ARHGAP18: variants seen among roughly 807,000 people sequenced by gnomAD.
ARHGAP18 encodes the protein rho GTPase-activating protein 18.
In ARHGAP18, 67 loss-of-function variants were observed where a neutral mutation model predicts 86.2. That is an observed-to-expected ratio of 0.78 (90% CI 0.64 to 0.95). The LOEUF is 0.95. ARHGAP18 is among the 40% of genes least tolerant of loss of function. ARHGAP18 has a pLI of 0.00. For missense variants in ARHGAP18, 691 were observed against 780.4 expected, an observed-to-expected ratio of 0.89 and a Z score of 1.37; for synonymous variants, 283 against 280.4, an observed-to-expected ratio of 1.01 and a Z score of -0.09.
At position 129,678,044 on chromosome 6, in the gene ARHGAP18, C is replaced by A. The variant is rs557181000; in HGVS notation, c.113+31980G>T. Among the ~76,000 whole-genome samples, 3 of 152,346 alleles carry A rather than the reference C, an allele frequency of 2.0e-5. No individual in the cohort carries two copies. In the South Asian group the frequency reaches 6.2e-4, roughly 32 times the overall value. On this transcript the variant is annotated intron_variant, in intron 1 of 14. Transcript: ENST00000368149. ...TATTTTCTTTATCAGCTCTGCCTTACATTTCTACCAAAGTAGAATTGTCCT... is the reference window on the plus strand; with the variant it reads ...TATTTTCTTTATCAGCTCTGCCTTAAATTTCTACCAAAGTAGAATTGTCCT...
At chr6:129,693,056 T>C (rs973983863) in intron 1 of ARHGAP18, among the ~76,000 whole-genome samples, 2 of 152,214 alleles carry the variant, frequency 1.3e-5, no homozygotes, top group African/African-American at 4.8e-5. Context: ...TTAATGTCCT[T>C]CTGTCCCCCT....
chr6:129,690,910 T>C (rs1006106283), intron 1 of ARHGAP18, among the ~76,000 whole-genome samples: 1 of 152,232 alleles, frequency 6.6e-6, no homozygotes, highest in Non-Finnish European at 1.5e-5. Context: ...ATTTCAATGC[T>C]ATCATTACTT....
chr6:129,617,619 C>A (rs1789122958), intron 6 of ARHGAP18, among the ~76,000 whole-genome samples: 1 of 151,762 alleles, frequency 6.6e-6, no homozygotes, highest in South Asian at 2.1e-4. Flanking sequence ...TGCCAGGATG[C>A]AATTCTAAAA....
chr6:129,628,623 G>A (rs940509592), intron 5 of ARHGAP18, among the ~76,000 whole-genome samples: 3 of 152,084 alleles, frequency 2.0e-5, no homozygotes, highest in Admixed American at 6.6e-5. Context: ...TGATGCAATC[G>A]AAGGCATAAA....
At chr6:129,586,245 C>T (rs988479061) in intron 12 of ARHGAP18, among the ~76,000 whole-genome samples, 2 of 152,132 alleles carry the variant, frequency 1.3e-5, no homozygotes, top group Non-Finnish European at 1.5e-5. Flanking sequence ...AGCATGAACA[C>T]CTTTAACATT....
Position 129,631,392 on chromosome 6 carries a change from CA to C in ARHGAP18, c.617-1871del, listed in dbSNP as rs71028170. Among the ~76,000 whole-genome samples, 173 of 146,356 alleles carry C rather than the reference CA, an allele frequency of 1.2e-3. 1 individual carries two copies. In the East Asian group the frequency reaches 0.02, roughly 17 times the overall value. ...ACACACATTTCCTTCAAAAGCAATG[CA>C]AAAAAAAAATACCGCATATCAAAGT... On this transcript the variant is annotated intron_variant, in intron 4 of 14. Transcript: ENST00000368149.
intron 5 of ARHGAP18, among the ~76,000 whole-genome samples, chr6:129,624,503 G>C (rs979564745): frequency 6.6e-6 from 1 of 151,864 alleles, no homozygotes; most frequent in African/African-American, 2.4e-5. Context: ...GTGACAGAGC[G>C]AGATTCCATC....
intron 5 of ARHGAP18, among the ~76,000 whole-genome samples, chr6:129,625,361 G>GATA (rs1562697054): frequency 2.0e-5 from 1 of 51,234 alleles, no homozygotes; most frequent in African/African-American, 1.1e-4. Flanking sequence ...TATATATTAT[G>GATA]TATATTTATA....
At chr6:129,608,163 A>G in intron 8 of ARHGAP18, 111 bp from the exon 9 acceptor site, 1 of 1,298,124 alleles carries the variant, frequency 7.7e-7, no homozygotes, top group Non-Finnish European at 1.0e-6. Flanking sequence ...TGCTCTTTAG[A>G]CAAGACAAAT....
intron 6 of ARHGAP18, among the ~76,000 whole-genome samples, chr6:129,616,744 T>C (rs1243846213): frequency 6.6e-6 from 1 of 151,990 alleles, no homozygotes; most frequent in Non-Finnish European, 1.5e-5. Flanking sequence ...GCCCAGGAGT[T>C]CAAGACCAGC....
intron 1 of ARHGAP18, among the ~76,000 whole-genome samples, chr6:129,644,867 A>G (rs1196938368): frequency 1.3e-5 from 2 of 152,268 alleles, no homozygotes; most frequent in Non-Finnish European, 2.9e-5. Flanking sequence ...CTTTCAAAAC[A>G]TGCATAAAGC....
At chr6:129,624,718 G>A (rs1789303803) in intron 5 of ARHGAP18, among the ~76,000 whole-genome samples, 1 of 151,574 alleles carries the variant, frequency 6.6e-6, no homozygotes, top group South Asian at 2.1e-4. Context: ...GCTGAGGTGG[G>A]TGGATCACCT....
In ARHGAP18 at chr6:129,596,994, G is replaced by T. The variant is rs1788626399; in HGVS notation, c.1713+2222C>A. The T allele has an allele frequency of 2.0e-5, 3 of 152,236 alleles. No individual in the cohort carries two copies. The South Asian group carries it at 6.2e-4, about 32-fold the overall frequency. 9.4% of individuals were successfully genotyped at this position (152,236 alleles called of 1,614,324 possible). ...GGCAGTTGCCAGTTGGAAGCAACAT[G>T]CAAAAAACTCTTGTTACTTAGTAAC... On this transcript the variant is annotated intron_variant, in intron 12 of 14. Coordinates refer to ENST00000368149, the MANE Select transcript of ARHGAP18 (RefSeq NM_033515.3).
At chr6:129,688,117 A>G (rs1774463456) in intron 1 of ARHGAP18, among the ~76,000 whole-genome samples, 1 of 152,162 alleles carries the variant, frequency 6.6e-6, no homozygotes, top group African/African-American at 2.4e-5. Context: ...GACTTTCCAC[A>G]AAGTGGCCTC....
chr6:129,646,898 C>T (rs186099709), intron 1 of ARHGAP18, among the ~76,000 whole-genome samples: 16 of 152,264 alleles, frequency 1.1e-4, no homozygotes, highest in African/African-American at 3.6e-4. Flanking sequence ...CCAGACCACG[C>T]TTTGAAAACC....
intron 5 of ARHGAP18, among the ~76,000 whole-genome samples, chr6:129,625,732 T>TAATA (rs1554336232): frequency 8.3e-4 from 22 of 26,560 alleles, no homozygotes; most frequent in African/African-American, 3.2e-3. Context: ...TTATATATAT[T>TAATA]TATTATATAT....
At chr6:129,707,111 T>G (rs1320291859) in intron 1 of ARHGAP18, among the ~76,000 whole-genome samples, 2 of 151,324 alleles carry the variant, frequency 1.3e-5, no homozygotes, top group Non-Finnish European at 2.9e-5. Context: ...TGCATGCCTG[T>G]GGTCCCAGCT....
chr6:129,635,386 G>A (rs563182983), intron 3 of ARHGAP18, among the ~76,000 whole-genome samples: 1 of 152,164 alleles, frequency 6.6e-6, no homozygotes, highest in African/African-American at 2.4e-5. Context: ...AAGTGTTACA[G>A]TGACTACCAA....
In ARHGAP18 at chr6:129,710,102, A is replaced by G. The variant is rs1486022407; in HGVS notation, c.35T>C (p.Leu12Pro). 1 of 1,613,892 alleles carries G rather than the reference A, an allele frequency of 6.2e-7. No homozygotes were observed. Among genetic ancestry groups the G allele is most frequent in the Non-Finnish European group, 8.5e-7 (1 of 1,179,916 alleles). Residue 12 changes from leucine (L) to proline (P), a missense_variant, in exon 1 of 15, where the codon CTA (leucine) becomes CCA (proline). Coordinates refer to ENST00000368149, the MANE Select transcript of ARHGAP18 (RefSeq NM_033515.3). ...SWLSSSQGVV[L>P]TAYHPSGKDQ... ...CTTGCCGCTGGGGTGGTAGGCTGTT[A>G]GTACCACTCCCTGGGAACTGGAGAG...
Sources: gnomAD v4.1 joint callset for allele counts (sites outside exome capture counted in the v4.1 genomes callset) on GRCh38, gnomAD v4.1.1 for gene constraint, MANE v1.5 for transcripts, NCBI Gene and HGNC (gene_info 2026-07-23, HGNC 2026-07-21) for gene names.